Variants in SLC4A5 observed in about 807,000 individuals in gnomAD.
SLC4A5 encodes electrogenic sodium bicarbonate cotransporter 4.
In SLC4A5, 96 loss-of-function variants were observed where a neutral mutation model predicts 120.4. That is an observed-to-expected ratio of 0.80 (90% CI 0.68 to 0.94). The LOEUF (loss-of-function observed/expected upper bound fraction) is 0.94. Ranked by LOEUF, SLC4A5 falls within the 40% of genes least tolerant of loss-of-function variation. The pLI is 0.00. For synonymous variants in SLC4A5, 550 were observed against 571.1 expected (o/e 0.96, Z 0.53); for missense variants, 1,259 against 1,459.5 (o/e 0.86, Z 2.24).
chr2:74,310,960 T>C (rs1257891099), intron 6 of SLC4A5, among the ~76,000 whole-genome samples: 1 of 150,734 alleles, frequency 6.6e-6, no homozygotes, highest in Non-Finnish European at 1.5e-5. Context: ...GGTAAGTTGT[T>C]AATTATTATT....
chr2:74,332,979 G>A (rs961823174), intron 4 of SLC4A5, among the ~76,000 whole-genome samples: 7 of 152,136 alleles, frequency 4.6e-5, no homozygotes, highest in Admixed American at 4.6e-4. Context: ...AAATGCTTGG[G>A]GGATACTGTC....
intron 12 of SLC4A5, among the ~76,000 whole-genome samples, chr2:74,256,219 G>A (rs1226274300): frequency 2.0e-5 from 3 of 152,216 alleles, no homozygotes; most frequent in African/African-American, 4.8e-5. Flanking sequence ...TGTGGGTTGA[G>A]GGGTCAGAGA....
At chr2:74,285,752 C>A in intron 8 of SLC4A5, 21 bp downstream of exon 8, 1 of 1,606,408 alleles carries the variant, frequency 6.2e-7, no homozygotes, top group Non-Finnish European at 8.5e-7. Context: ...TGCCCACCTC[C>A]CTCGTGGGGC....
intron 7 of SLC4A5, among the ~76,000 whole-genome samples, chr2:74,303,848 ATTAT>A: frequency 7.7e-6 from 1 of 130,446 alleles, no homozygotes; most frequent in Non-Finnish European, 1.5e-5. Context: ...GTCCATTATT[ATTAT>A]TTTTTTTTTT....
At chr2:74,237,138 G>A (rs900505306) in intron 21 of SLC4A5, among the ~76,000 whole-genome samples, 12 of 151,970 alleles carry the variant, frequency 7.9e-5, no homozygotes, top group Non-Finnish European at 1.0e-4. Flanking sequence ...CACAACGCCC[G>A]GCCAATTTTT....
chr2:74,282,033 A>G (rs1671829772), intron 8 of SLC4A5, among the ~76,000 whole-genome samples: 1 of 152,172 alleles, frequency 6.6e-6, no homozygotes, highest in South Asian at 2.1e-4. Context: ...AGCTTCCCTG[A>G]GTGGCTCCAC....
At chr2:74,304,310 G>A (rs1268982400) in intron 7 of SLC4A5, among the ~76,000 whole-genome samples, 179 bp downstream of exon 7, 1 of 152,208 alleles carries the variant, frequency 6.6e-6, no homozygotes, top group Non-Finnish European at 1.5e-5. Context: ...CTGACCAAAA[G>A]TGTCAGTGAG....
chr2:74,227,960 AC>A, intron 25 of SLC4A5, 82 bp from the exon 26 acceptor site: 2 of 988,384 alleles, frequency 2.0e-6, no homozygotes, highest in Non-Finnish European at 2.9e-6. Flanking sequence ...GTGGCTCCTG[AC>A]CACAGAGGCA....
At chr2:74,219,358 TGTACTCCGATATTCTTGCACAGG>T (rs1694550687) in intron 30 of SLC4A5, among the ~76,000 whole-genome samples, 1 of 152,206 alleles carries the variant, frequency 6.6e-6, no homozygotes. Context: ...TCCCTCCCTG[TGTACTCCGATATTCTTGCACAGG>T]GTGCTCTGTC....
At chr2:74,328,657 C>T (rs192434148) in intron 4 of SLC4A5, among the ~76,000 whole-genome samples, 80 of 152,224 alleles carry the variant, frequency 5.3e-4, no homozygotes, top group Middle Eastern at 3.4e-3. Context: ...CCTACAGATA[C>T]GTGGGCCTGT....
chr2:74,307,900 C>T (rs1672695011), intron 6 of SLC4A5: 1 of 492,834 alleles, frequency 2.0e-6, no homozygotes, highest in Non-Finnish European at 4.0e-6. Flanking sequence ...CCGGCACCTG[C>T]ATAGACACTG....
At chr2:74,241,284 G>T (rs1573016502) in intron 20 of SLC4A5, among the ~76,000 whole-genome samples, 1 of 92,150 alleles carries the variant, frequency 1.1e-5, no homozygotes, top group African/African-American at 5.8e-5. Flanking sequence ...TATTATTATT[G>T]AGACAGGGTC....
intron 7 of SLC4A5, 57 bp downstream of exon 7, chr2:74,304,432 C>T: frequency 6.7e-7 from 1 of 1,492,834 alleles, no homozygotes; most frequent in Non-Finnish European, 9.0e-7. Context: ...CCTGCTGGGT[C>T]CCATCTGGAC....
chr2:74,250,299 C>A (rs770716747), intron 17 of SLC4A5, 44 bp downstream of exon 17: 70 of 1,581,636 alleles, frequency 4.4e-5, no homozygotes, highest in Non-Finnish European at 5.9e-5. Context: ...CACCAGGTGG[C>A]GGCAGATCTT....
chr2:74,229,231 T>C (rs1388933899), intron 25 of SLC4A5, among the ~76,000 whole-genome samples: 3 of 144,314 alleles, frequency 2.1e-5, no homozygotes, highest in Non-Finnish European at 4.5e-5. Flanking sequence ...CCACCATGCC[T>C]GGCCGATTCG....
chr2:74,307,240 G>A, intron 6 of SLC4A5: 2 of 520,244 alleles, frequency 3.8e-6, no homozygotes, highest in Non-Finnish European at 7.1e-6. Context: ...CTCTTCTGAG[G>A]CAGCTAATCA....
At chr2:74,227,019 G>A in exon 27 of SLC4A5, 2 of 1,614,202 alleles carry the variant, frequency 1.2e-6, no homozygotes, top group Non-Finnish European at 1.7e-6. Context: ...GCCAGGCAGA[G>A]GATCTGCACC....
intron 22 of SLC4A5, among the ~76,000 whole-genome samples, chr2:74,234,090 A>AC (rs149170145): frequency 6.6e-6 from 1 of 151,916 alleles, no homozygotes; most frequent in Admixed American, 6.6e-5. Flanking sequence ...AACAAAAAAA[A>AC]CCTTAAAGAC....
At chr2:74,250,365 C>T in exon 17 of SLC4A5, 1 of 1,614,058 alleles carries the variant, frequency 6.2e-7, no homozygotes, top group Non-Finnish European at 8.5e-7. Flanking sequence ...GGTGGCATCC[C>T]CCAGAAGCCC....
Sources: allele counts gnomAD v4.1 joint callset (sites outside exome capture counted in the v4.1 genomes callset), GRCh38; gene constraint gnomAD v4.1.1; transcripts MANE v1.5; gene names NCBI Gene and HGNC (gene_info 2026-07-23, HGNC 2026-07-21).